The following KYAT1 variants were observed in gnomAD, a reference collection of about 807,000 sequenced individuals.
KYAT1 encodes kynurenine aminotransferase 1, also known as kynurenine--oxoglutarate transaminase 1.
In KYAT1, 47 loss-of-function variants were observed where a neutral mutation model predicts 52.4. The observed-to-expected ratio is 0.90, with a 90% CI of 0.71 to 1.14. The LOEUF (loss-of-function observed/expected upper bound fraction) is 1.14, where lower values mean the gene tolerates loss of function less well. Among genes scored for constraint, KYAT1 ranks in the 50% most tolerant of loss-of-function variants. The probability of loss-of-function intolerance (pLI) is 0.00; values close to 1 mark genes in which losing one functional copy is unlikely to be tolerated. For synonymous variants in KYAT1, 212 were observed against 209.6 expected, an observed-to-expected ratio of 1.01 and a Z score of -0.10; for missense variants, 480 against 557.9, an observed-to-expected ratio of 0.86 and a Z score of 1.41.
At chr9:128,878,685 G>C (rs1474628986) in intron 1 of KYAT1, among the ~76,000 whole-genome samples, 2 of 152,196 alleles carry the variant, frequency 1.3e-5, no homozygotes, top group African/African-American at 2.4e-5. Flanking sequence ...GCAGAGGAGA[G>C]AGAAATGACT....
At chr9:128,863,233 C>T (rs1400918754) in intron 1 of KYAT1, among the ~76,000 whole-genome samples, 2 of 151,928 alleles carry the variant, frequency 1.3e-5, no homozygotes, top group South Asian at 2.1e-4. Flanking sequence ...TGCTGAGAGA[C>T]GGGGGAAGGA....
chr9:128,853,439 C>G (rs1834200157), intron 1 of KYAT1, among the ~76,000 whole-genome samples: 1 of 152,164 alleles, frequency 6.6e-6, no homozygotes, highest in Non-Finnish European at 1.5e-5. Flanking sequence ...TGGTTGCTGT[C>G]ATTTCAGTGT....
chr9:128,833,652 G>A lies in KYAT1; in HGVS notation c.1210-9C>T, dbSNP rs765563651. Reference sequence around the variant, plus strand: ...TGGAGCGTGGCTTCATCCTGCGCCAGCACAGATTAGTCCTACACTCTCCCC... The same window carrying A: ...TGGAGCGTGGCTTCATCCTGCGCCAACACAGATTAGTCCTACACTCTCCCC... On this transcript the variant is annotated splice_polypyrimidine_tract_variant and intron_variant, in intron 12 of 12. Transcript: ENST00000302586. 11 of 1,614,076 alleles carry A rather than the reference G, an allele frequency of 6.8e-6. No individual in the cohort carries two copies. Among genetic ancestry groups the A allele is most frequent in the Non-Finnish European group, 9.3e-6 (11 of 1,180,020 alleles).
intron 1 of KYAT1, among the ~76,000 whole-genome samples, chr9:128,874,209 T>C (rs989225454): frequency 1.3e-5 from 2 of 148,898 alleles, no homozygotes; most frequent in Admixed American, 6.7e-5. Context: ...TGAGCCGAGA[T>C]CACGCCACTG....
At chr9:128,872,224 C>T (rs1169573553) in intron 1 of KYAT1, among the ~76,000 whole-genome samples, 1 of 150,988 alleles carries the variant, frequency 6.6e-6, no homozygotes, top group Non-Finnish European at 1.5e-5. Flanking sequence ...GTGGGTGGAT[C>T]ACGAGGTCAG....
intron 1 of KYAT1, chr9:128,847,530 C>A (rs1265910543): frequency 6.5e-7 from 1 of 1,533,970 alleles, no homozygotes; most frequent in Non-Finnish European, 8.7e-7. Context: ...CCTGAACATG[C>A]CTCCCAGAGC....
chr9:128,857,753 G>A (rs375787898), intron 1 of KYAT1, among the ~76,000 whole-genome samples: 1 of 152,060 alleles, frequency 6.6e-6, no homozygotes, highest in Non-Finnish European at 1.5e-5. Context: ...GGAGAATGGC[G>A]TGAACCCGGG....
intron 3 of KYAT1, among the ~76,000 whole-genome samples, chr9:128,839,974 T>C (rs1455468042): frequency 1.3e-5 from 2 of 152,142 alleles, no homozygotes; most frequent in African/African-American, 4.8e-5. Flanking sequence ...GGAGGATTGC[T>C]TGAGCCCAGG....
chr9:128,842,754 C>G lies in KYAT1; in HGVS notation c.101G>C (p.Gly34Ala). ...LASEHDVVNLGQGFPDFPPPD... is the reference protein window; with the variant it reads ...LASEHDVVNLAQGFPDFPPPD... ...TGGTGGGAAATCCGGGAAGCCCTGG[C>G]CCAAGTTCACGACGTCATGCTCACT... Residue 34 changes from glycine to alanine, a missense_variant, in exon 3 of 13, where the codon GGC (glycine) becomes GCC (alanine). By Grantham distance (60) the Gly-to-Ala change is moderately conservative (BLOSUM62 0). Transcript: ENST00000302586. 8 of 1,614,198 alleles carry G rather than the reference C, an allele frequency of 5.0e-6. No individual in the cohort carries two copies. The highest frequency in any genetic ancestry group is 6.8e-6 in the Non-Finnish European group (8 of 1,180,028).
At chr9:128,880,927 C>G (rs1030131666) in intron 1 of KYAT1, among the ~76,000 whole-genome samples, 1 of 152,172 alleles carries the variant, frequency 6.6e-6, no homozygotes, top group Non-Finnish European at 1.5e-5. Context: ...TAGTAAATTT[C>G]TCGCCCTGGC....
intron 2 of KYAT1, among the ~76,000 whole-genome samples, chr9:128,843,575 T>C (rs1320308174): frequency 6.6e-6 from 1 of 151,958 alleles, no homozygotes; most frequent in African/African-American, 2.4e-5. Flanking sequence ...GATGGGGTTT[T>C]GCTATGTTGG....
At chr9:128,864,631 C>T (rs1474820569) in intron 1 of KYAT1, among the ~76,000 whole-genome samples, 1 of 151,868 alleles carries the variant, frequency 6.6e-6, no homozygotes, top group East Asian at 2.0e-4. Flanking sequence ...TTTTGGGGGA[C>T]AAAGTCGTGC....
chr9:128,845,295 G>A, intron 2 of KYAT1, 58 bp downstream of exon 2: 1 of 1,471,808 alleles, frequency 6.8e-7, no homozygotes, highest in South Asian at 1.1e-5. Flanking sequence ...TAAACCCAGG[G>A]ATGGCCAACC....
chr9:128,846,403 C>T (rs1043999593), intron 1 of KYAT1, among the ~76,000 whole-genome samples: 5 of 151,986 alleles, frequency 3.3e-5, no homozygotes, highest in African/African-American at 1.2e-4. Context: ...GCACTCCAGC[C>T]TGAGCATTAG....
At chr9:128,868,854 C>T (rs1384944795) in intron 1 of KYAT1, among the ~76,000 whole-genome samples, 2 of 151,234 alleles carry the variant, frequency 1.3e-5, no homozygotes, top group Admixed American at 6.6e-5. Flanking sequence ...TATAGGCGCA[C>T]ACCACCATGC....
chr9:128,850,830 G>A (rs1322215519), intron 1 of KYAT1, among the ~76,000 whole-genome samples: 4 of 152,206 alleles, frequency 2.6e-5, no homozygotes, highest in African/African-American at 9.6e-5. Context: ...ACCCTATGGC[G>A]GGAGGCGAGA....
At chr9:128,879,952 A>C (rs1311838293) in intron 1 of KYAT1, among the ~76,000 whole-genome samples, 1 of 152,218 alleles carries the variant, frequency 6.6e-6, no homozygotes, top group African/African-American at 2.4e-5. Flanking sequence ...GATCCTGGGA[A>C]GCTAAGGGAG....
At chr9:128,879,067 T>C (rs1056122703) in intron 1 of KYAT1, among the ~76,000 whole-genome samples, 5 of 152,098 alleles carry the variant, frequency 3.3e-5, no homozygotes, top group African/African-American at 1.2e-4. Flanking sequence ...TCCCAGCACT[T>C]TGGGAGGCCG....
intron 1 of KYAT1, among the ~76,000 whole-genome samples, chr9:128,861,470 T>C (rs1835456850): frequency 6.6e-6 from 1 of 152,222 alleles, no homozygotes; most frequent in South Asian, 2.1e-4. Context: ...CATGAGGAAC[T>C]GTGAGTCAAT....
Sources: allele counts gnomAD v4.1 joint callset (sites outside exome capture counted in the v4.1 genomes callset), GRCh38; gene constraint gnomAD v4.1.1; transcripts MANE v1.5; gene names NCBI Gene and HGNC (gene_info 2026-07-23, HGNC 2026-07-21).